SNTG2: variants seen among roughly 807,000 people sequenced by gnomAD.
The protein encoded by SNTG2 is gamma-2-syntrophin.
Under a neutral mutation model 70.9 loss-of-function variants are expected in SNTG2, and 74 were observed. That is an observed-to-expected ratio of 1.04 (90% CI 0.86 to 1.27). SNTG2 has a LOEUF of 1.27. Ranked by LOEUF, SNTG2 falls within the 50% of genes most tolerant of loss-of-function variation. SNTG2 has a pLI of 0.00. For synonymous variants in SNTG2, 278 were observed against 273.8 expected (o/e 1.02, Z -0.15); for missense variants, 717 against 690.7 (o/e 1.04, Z -0.43).
chr2:1,016,818 G>A (rs1659909323), intron 1 of SNTG2, among the ~76,000 whole-genome samples: 1 of 152,176 alleles, frequency 6.6e-6, no homozygotes, highest in South Asian at 2.1e-4. Context: ...AGCAAAATTA[G>A]GCTCTGTGTG....
intron 8 of SNTG2, among the ~76,000 whole-genome samples, chr2:1,190,723 G>A (rs34571669): frequency 0.32 from 47,820 of 151,238 alleles, 8,129 homozygotes; most frequent in East Asian, 0.66. Context: ...TAAATGATCT[G>A]GCACGTTAAG....
chr2:1,256,472 A>G (rs569960948), intron 12 of SNTG2: 1 of 152,182 alleles, frequency 6.6e-6, no homozygotes, highest in African/African-American at 2.4e-5. Context: ...CTCTTCTTGG[A>G]TACCTTGGAC....
intron 14 of SNTG2, among the ~76,000 whole-genome samples, chr2:1,272,713 GACACCCCA>G (rs1679098115): frequency 8.2e-6 from 1 of 121,886 alleles, no homozygotes; most frequent in East Asian, 2.5e-4. Context: ...GTGCAGAAAG[GACACCCCA>G]GGGAGCGGGT....
chr2:1,112,281 T>A (rs760607772), intron 4 of SNTG2, among the ~76,000 whole-genome samples: 3 of 151,050 alleles, frequency 2.0e-5, no homozygotes, highest in Non-Finnish European at 2.9e-5. Context: ...TAAGTGAGGT[T>A]TAACCCTTAC....
intron 4 of SNTG2, among the ~76,000 whole-genome samples, chr2:1,133,145 G>T (rs181528125): frequency 5.9e-5 from 9 of 152,248 alleles, no homozygotes; most frequent in Admixed American, 5.9e-4. Flanking sequence ...GACTATGAAG[G>T]TTGTCTGACC....
chr2:1,248,604 T>G (rs1459145007), intron 12 of SNTG2, among the ~76,000 whole-genome samples: 2 of 152,238 alleles, frequency 1.3e-5, no homozygotes, highest in Non-Finnish European at 2.9e-5. Context: ...ATTTGCTCCA[T>G]ATTTTCAAAT....
At chr2:971,148 T>C (rs984329819) in intron 1 of SNTG2, among the ~76,000 whole-genome samples, 1 of 152,214 alleles carries the variant, frequency 6.6e-6, no homozygotes, top group Non-Finnish European at 1.5e-5. Flanking sequence ...TGATGCTGGC[T>C]TCCTAGAATG....
At chr2:1,158,300 G>T (rs1441388514) in intron 6 of SNTG2, 1 of 151,288 alleles carries the variant, frequency 6.6e-6, no homozygotes, top group Admixed American at 6.6e-5. Flanking sequence ...TAGAAAAGTA[G>T]AAAATTATTA....
chr2:1,052,459 C>A (rs1285430818), intron 1 of SNTG2, among the ~76,000 whole-genome samples: 1 of 152,218 alleles, frequency 6.6e-6, no homozygotes, highest in South Asian at 2.1e-4. Context: ...TGGCTTCCCC[C>A]TTTCCTCATC....
intron 8 of SNTG2, among the ~76,000 whole-genome samples, chr2:1,191,402 C>T (rs1457709387): frequency 1.3e-5 from 2 of 152,108 alleles, no homozygotes; most frequent in African/African-American, 2.4e-5. Context: ...AAAACGGGAG[C>T]CACCACAGAA....
At chr2:985,761 G>C (rs1452638911) in intron 1 of SNTG2, among the ~76,000 whole-genome samples, 2 of 152,106 alleles carry the variant, frequency 1.3e-5, no homozygotes, top group Non-Finnish European at 2.9e-5. Context: ...AAAGGAAGCC[G>C]ACGCTGGTTG....
rs1355179224 is a variant in SNTG2, at chr2:985,032, A to AT, written c.72+33971dup. 1.1e-4 allele frequency among the ~76,000 whole-genome samples: 16 copies of AT among 152,198 alleles called. No homozygotes were observed. In the East Asian group the frequency reaches 2.7e-3, roughly 26 times the overall value. On this transcript the variant is annotated intron_variant, in intron 1 of 16. Coordinates refer to ENST00000308624, the MANE Select transcript of SNTG2 (RefSeq NM_018968.4). ...CTGTGCAGAAGCATATTATATGTCC[A>AT]TTTTTTTCCCCAAAAACAATCACCT...
intron 16 of SNTG2, among the ~76,000 whole-genome samples, chr2:1,366,316 A>G (rs536607795): frequency 2.6e-5 from 4 of 152,296 alleles, no homozygotes; most frequent in Admixed American, 2.6e-4. Flanking sequence ...TTTTACCATC[A>G]AAAACAGGAA....
At position 1,244,612 on chromosome 2, in the gene SNTG2, C is replaced by T. The variant is rs1012692099; in HGVS notation, c.889-2715C>T. Among the ~76,000 whole-genome samples the T allele has an allele frequency of 3.1e-4, 45 of 144,248 alleles. 1 individual carries two copies. The highest frequency in any genetic ancestry group is 9.0e-5 in the Non-Finnish European group (6 of 66,814). 94.6% of individuals were successfully genotyped at this position (144,248 alleles called of 152,430 possible). Reference sequence around the variant, plus strand: ...TCGGGAGGCTGAGGCAGGAGAATGGCGTGAACCTGGGAGGCAGAGCTTGCA... The same window carrying T: ...TCGGGAGGCTGAGGCAGGAGAATGGTGTGAACCTGGGAGGCAGAGCTTGCA... On this transcript the variant is annotated intron_variant, in intron 11 of 16. Transcript: ENST00000308624.
chr2:1,200,536 A>T (rs1158889478), intron 8 of SNTG2, among the ~76,000 whole-genome samples: 1 of 152,056 alleles, frequency 6.6e-6, no homozygotes, highest in Non-Finnish European at 1.5e-5. Context: ...ACTGTATTAA[A>T]CTAAAAAGCT....
At chr2:1,060,352 T>G (rs1256562846) in intron 1 of SNTG2, among the ~76,000 whole-genome samples, 1 of 152,146 alleles carries the variant, frequency 6.6e-6, no homozygotes, top group Non-Finnish European at 1.5e-5. Flanking sequence ...TTAATACACG[T>G]GTGTATGTGT....
At chr2:1,322,406 G>C (rs1014783681) in intron 16 of SNTG2, among the ~76,000 whole-genome samples, 4 of 152,194 alleles carry the variant, frequency 2.6e-5, no homozygotes, top group Admixed American at 2.6e-4. Context: ...GGTCAGGTGC[G>C]TCCTGGGACT....
intron 6 of SNTG2, chr2:1,160,768 C>T (rs1670218129): frequency 6.6e-6 from 1 of 152,408 alleles, no homozygotes; most frequent in Non-Finnish European, 1.5e-5. Flanking sequence ...CTTCCTCTCT[C>T]CACCACGCAA....
intron 6 of SNTG2, among the ~76,000 whole-genome samples, chr2:1,152,681 G>C (rs572081388): frequency 6.6e-6 from 1 of 152,310 alleles, no homozygotes; most frequent in Non-Finnish European, 1.5e-5. Context: ...GCAAACTCCT[G>C]AGAGGATCTG....
Sources: allele counts gnomAD v4.1 joint callset (sites outside exome capture counted in the v4.1 genomes callset), GRCh38; gene constraint gnomAD v4.1.1; transcripts MANE v1.5; gene names NCBI Gene and HGNC (gene_info 2026-07-23, HGNC 2026-07-21).